ST18: variants seen among roughly 807,000 people sequenced by gnomAD.
ST18 encodes suppression of tumorigenicity 18 protein.
Under a neutral mutation model 110.0 loss-of-function variants are expected in ST18, and 50 were observed. The ratio of observed to expected loss-of-function variants is 0.45; its 90% CI spans 0.36 to 0.58. The LOEUF is 0.58. Among genes scored for constraint, ST18 ranks in the 20% least tolerant of loss-of-function variants. The probability of loss-of-function intolerance (pLI) is 0.00; values close to 1 mark genes in which losing one functional copy is unlikely to be tolerated. For synonymous variants in ST18, 461 were observed against 452.4 expected (o/e 1.02, Z -0.24); for missense variants, 1,306 against 1,280.1 (o/e 1.02, Z -0.31).
At chr8:52,376,932 A>C (rs1313164077) in intron 2 of ST18, among the ~76,000 whole-genome samples, 1 of 152,244 alleles carries the variant, frequency 6.6e-6, no homozygotes, top group Non-Finnish European at 1.5e-5. Context: ...AGTACTTAAA[A>C]TGCAGCTAAA....
chr8:52,364,729 C>T (rs183150707), intron 2 of ST18, among the ~76,000 whole-genome samples: 2 of 152,086 alleles, frequency 1.3e-5, no homozygotes, highest in African/African-American at 4.8e-5. Context: ...TGAGGGTGAC[C>T]GTTGGAAGAG....
intron 2 of ST18, among the ~76,000 whole-genome samples, chr8:52,345,189 C>A (rs529958281): frequency 1.3e-5 from 2 of 152,220 alleles, no homozygotes; most frequent in South Asian, 4.2e-4. Context: ...TACACTAGAT[C>A]TCCAGGACGT....
At chr8:52,263,956 G>A (rs1390084646) in intron 2 of ST18, among the ~76,000 whole-genome samples, 2 of 151,712 alleles carry the variant, frequency 1.3e-5, no homozygotes, top group African/African-American at 2.4e-5. Context: ...GTGCCACCTC[G>A]CCTGGCTAAT....
At chr8:52,161,112 T>C (rs556031303) in intron 14 of ST18, among the ~76,000 whole-genome samples, 1 of 152,336 alleles carries the variant, frequency 6.6e-6, no homozygotes, top group South Asian at 2.1e-4. Flanking sequence ...TTATTGTACT[T>C]AGATTCAACA....
intron 8 of ST18, among the ~76,000 whole-genome samples, chr8:52,209,748 C>A (rs1385690537): frequency 1.6e-4 from 16 of 102,202 alleles, no homozygotes; most frequent in African/African-American, 5.7e-4. Context: ...CCAGCTTGGG[C>A]AACAAGAGCG....
At chr8:52,179,992 T>C in intron 9 of ST18, 130 bp downstream of exon 9, 1 of 1,019,150 alleles carries the variant, frequency 9.8e-7, no homozygotes, top group Non-Finnish European at 1.4e-6. Flanking sequence ...AATAAATGTT[T>C]CATTTTGCTT....
chr8:52,290,719 C>A (rs911271166), intron 2 of ST18, among the ~76,000 whole-genome samples: 2 of 152,048 alleles, frequency 1.3e-5, no homozygotes, highest in Admixed American at 6.5e-5. Flanking sequence ...CTCAGGGAAG[C>A]CTTTCTTCAC....
chr8:52,381,967 T>A (rs1417374422), intron 2 of ST18, among the ~76,000 whole-genome samples: 2 of 47,268 alleles, frequency 4.2e-5, no homozygotes, highest in Non-Finnish European at 2.2e-4. Flanking sequence ...TATGCTGCAT[T>A]AAAAAACAAA....
intron 2 of ST18, among the ~76,000 whole-genome samples, chr8:52,337,200 G>A (rs1812527174): frequency 6.6e-6 from 1 of 152,136 alleles, no homozygotes; most frequent in Admixed American, 6.5e-5. Context: ...ATTACACGAT[G>A]GAAAGTCAAC....
At chr8:52,189,529 G>A (rs1313036337) in intron 8 of ST18, among the ~76,000 whole-genome samples, 1 of 152,104 alleles carries the variant, frequency 6.6e-6, no homozygotes, top group African/African-American at 2.4e-5. Context: ...TTTGTCTCTG[G>A]GCCTGAAGCA....
intron 8 of ST18, among the ~76,000 whole-genome samples, chr8:52,205,018 T>C (rs1175730821): frequency 2.0e-5 from 3 of 152,070 alleles, no homozygotes; most frequent in Admixed American, 6.6e-5. Flanking sequence ...AATACAGATA[T>C]TAAGATTTAA....
At position 52,250,445 on chromosome 8, in the gene ST18, C is replaced by CAAAAAAAAAAAAA. The variant is rs1159770176; in HGVS notation, c.-464-20381_-464-20369dup. On this transcript the variant is annotated intron_variant, in intron 2 of 25. Coordinates refer to ENST00000689386, the MANE Select transcript of ST18 (RefSeq NM_001352837.2). ...TGACACTGTGGAAGAGCCTCAAAGG[C>CAAAAAAAAAAAAA]AAAAAAAAAAAAAAAAAAAAAAAAA... 7.0e-4 allele frequency among the ~76,000 whole-genome samples: 3 copies of CAAAAAAAAAAAAA among 4,272 alleles called. 1 individual carries two copies. The highest frequency in any genetic ancestry group is 7.9e-3 in the Admixed American group (2 of 252). The allele number at this position is 4,272 out of a possible 152,430, so 2.8% of individuals were successfully genotyped here.
At chr8:52,267,676 T>G in intron 2 of ST18, among the ~76,000 whole-genome samples, 1 of 152,160 alleles carries the variant, frequency 6.6e-6, no homozygotes, top group East Asian at 1.9e-4. Context: ...AACCTGTACT[T>G]AAGATAAGTG....
At chr8:52,342,355 T>A (rs1815474264) in intron 2 of ST18, among the ~76,000 whole-genome samples, 1 of 110,674 alleles carries the variant, frequency 9.0e-6, no homozygotes, top group African/African-American at 3.4e-5. Flanking sequence ...CGATCTTATA[T>A]ATGACTCCAT....
chr8:52,318,311 C>T (rs1047833428), intron 2 of ST18, among the ~76,000 whole-genome samples: 10 of 152,060 alleles, frequency 6.6e-5, no homozygotes, highest in Admixed American at 1.3e-4. Context: ...CCAAGATCAC[C>T]GATCATTAGA....
At chr8:52,391,921 A>T (rs148161167) in intron 2 of ST18, among the ~76,000 whole-genome samples, 1 of 152,200 alleles carries the variant, frequency 6.6e-6, no homozygotes, top group Non-Finnish European at 1.5e-5. Flanking sequence ...GGGCACTCCA[A>T]GTAGATGGAA....
chr8:52,326,616 T>C (rs1806551095), intron 2 of ST18, among the ~76,000 whole-genome samples: 1 of 152,116 alleles, frequency 6.6e-6, no homozygotes, highest in African/African-American at 2.4e-5. Context: ...TAACAATGCA[T>C]AAAATGTATA....
At chr8:52,190,491 C>T (rs1249804053) in intron 8 of ST18, among the ~76,000 whole-genome samples, 1 of 152,144 alleles carries the variant, frequency 6.6e-6, no homozygotes, top group African/African-American at 2.4e-5. Context: ...CAAACAAGTA[C>T]TGATCCCAAC....
intron 14 of ST18, among the ~76,000 whole-genome samples, chr8:52,160,003 CAA>C (rs1164650325): frequency 6.6e-6 from 1 of 151,828 alleles, no homozygotes; most frequent in African/African-American, 2.4e-5. Flanking sequence ...TTTCATAAAA[CAA>C]AACTTAAAAC....
Sources: gnomAD v4.1 joint callset for allele counts (sites outside exome capture counted in the v4.1 genomes callset) on GRCh38, gnomAD v4.1.1 for gene constraint, MANE v1.5 for transcripts, NCBI Gene and HGNC (gene_info 2026-07-23, HGNC 2026-07-21) for gene names.